GALNS: variants seen among roughly 807,000 people sequenced by gnomAD.
GALNS encodes the protein N-acetylgalactosamine-6-sulfatase.
In GALNS, 65 loss-of-function variants were observed where a neutral mutation model predicts 65.9. That is an observed-to-expected ratio of 0.99 (90% CI 0.81 to 1.21). The LOEUF is 1.21. Among genes scored for constraint, GALNS ranks in the 50% most tolerant of loss-of-function variants. The pLI is 0.00. For missense variants in GALNS, 776 were observed against 700.7 expected, an observed-to-expected ratio of 1.11 and a Z score of -1.21; for synonymous variants, 346 against 288.9, an observed-to-expected ratio of 1.20 and a Z score of -2.00.
At chr16:88,815,797 G>T (rs1909560027) in intron 13 of GALNS, 1 of 985,326 alleles carries the variant, frequency 1.0e-6, no homozygotes. Context: ...GGGTTTGGGT[G>T]AGGAAGCTGC....
intron 8 of GALNS, among the ~76,000 whole-genome samples, chr16:88,833,454 C>CCCTT (rs1555521205): frequency 2.8e-5 from 4 of 141,172 alleles, no homozygotes; most frequent in African/African-American, 1.1e-4. Flanking sequence ...CTCCCATCCC[C>CCCTT]TTTTTTTTTT....
chr16:88,826,648 C>G, intron 10 of GALNS, 54 bp downstream of exon 10: 1 of 1,593,074 alleles, frequency 6.3e-7, no homozygotes, highest in Non-Finnish European at 8.6e-7. Flanking sequence ...ATTAGCAGCT[C>G]TGGGCTTCAC....
chr16:88,833,096 A>G (rs1252966979), intron 8 of GALNS, among the ~76,000 whole-genome samples: 14 of 151,828 alleles, frequency 9.2e-5, no homozygotes, highest in South Asian at 8.3e-4. Flanking sequence ...AAAAAAAAAA[A>G]AAAAGAAAAT....
In GALNS at chr16:88,813,893, G is replaced by A. The variant is rs114447455; in HGVS notation, c.*546C>T. The A allele has an allele frequency of 3.7e-3, 646 of 174,342 alleles. 3 individuals carry two copies. Among genetic ancestry groups the A allele is most frequent in the African/African-American group, 0.015 (624 of 42,212 alleles). The allele number at this position is 174,342 out of a possible 1,614,324, so 10.8% of individuals were successfully genotyped here. A position where few individuals can be genotyped will look rare whatever the true frequency, so the allele number is the denominator to read the frequency against. The stretch of plus-strand genomic sequence containing the variant: ...GAAGTCATCCCTCTGGGGCTCCCCT[G>A]AGACAAACGCTTATATGATTGCCCC... On this transcript the variant is annotated 3_prime_UTR_variant, in exon 14 of 14. Coordinates refer to ENST00000268695, the MANE Select transcript of GALNS (RefSeq NM_000512.5).
intron 9 of GALNS, among the ~76,000 whole-genome samples, chr16:88,827,541 G>A (rs1046858032): frequency 1.3e-5 from 2 of 152,204 alleles, no homozygotes; most frequent in Admixed American, 1.3e-4. Context: ...CTGCCTTCCA[G>A]GTTCAAGTGA....
At chr16:88,847,324 T>G (rs74035860) in intron 1 of GALNS, among the ~76,000 whole-genome samples, 11,308 of 152,068 alleles carry the variant, frequency 0.074, 849 homozygotes, top group African/African-American at 0.2. Context: ...TGAGCTGAGA[T>G]CGCGCCACGG....
intron 13 of GALNS, chr16:88,815,588 A>G (rs1909537905): frequency 1.0e-6 from 1 of 985,362 alleles, no homozygotes; most frequent in African/African-American, 1.7e-5. Context: ...CTTGGCTGAA[A>G]TGAGTGCAGT....
chr16:88,815,032 C>T (rs1909481815), intron 13 of GALNS: 1 of 985,074 alleles, frequency 1.0e-6, no homozygotes, highest in African/African-American at 1.7e-5. Flanking sequence ...CGCGCTTGGC[C>T]TCGAGCAGTT....
intron 13 of GALNS, chr16:88,815,301 G>C (rs1201926003): frequency 2.0e-6 from 2 of 985,484 alleles, no homozygotes; most frequent in Admixed American, 6.1e-5. Flanking sequence ...TGTTAGAAAG[G>C]GCAGGCGGTC....
intron 9 of GALNS, among the ~76,000 whole-genome samples, chr16:88,827,518 C>T (rs1567522500): frequency 6.6e-6 from 1 of 152,204 alleles, no homozygotes; most frequent in Non-Finnish European, 1.5e-5. Flanking sequence ...GCGATCTCAG[C>T]TCACCACAAC....
At chr16:88,839,470 G>C (rs1256768266) in intron 4 of GALNS, among the ~76,000 whole-genome samples, 2 of 152,256 alleles carry the variant, frequency 1.3e-5, no homozygotes, top group Non-Finnish European at 2.9e-5. Context: ...CCTGGAGCAG[G>C]GAGTGTCCGC....
rs765635813 is a variant in GALNS, at chr16:88,841,889, C to T, written c.319+8G>A. The T allele has an allele frequency of 1.2e-6, 2 of 1,611,394 alleles. No homozygotes were observed. The highest frequency in any genetic ancestry group is 1.3e-5 in the African/African-American group (1 of 75,032). On this transcript the variant is annotated splice_region_variant and intron_variant, in intron 3 of 13. Transcript: ENST00000268695. ...CAAGGGTGTCCCTGGAGGCGGTGGG[C>T]AGCCTACCGTTTCTGGCATGGGCGT...
At chr16:88,825,219 C>T (rs1910718586) in intron 10 of GALNS, among the ~76,000 whole-genome samples, 1 of 92,512 alleles carries the variant, frequency 1.1e-5, no homozygotes, top group Non-Finnish European at 2.0e-5. Flanking sequence ...GTCTGGGGCG[C>T]CTGGGTGTCT....
In GALNS at chr16:88,828,172, C is replaced by T. The variant is rs953877556; in HGVS notation, c.1003-1334G>A. On this transcript the variant is annotated intron_variant, in intron 9 of 13. Coordinates refer to ENST00000268695, the MANE Select transcript of GALNS (RefSeq NM_000512.5). ...CAGCAGTGTCTGTGCGACTGCTTCC[C>T]GTCCTTCCCGTGTCCTTTAAAGGAC... Among the ~76,000 whole-genome samples the T allele has an allele frequency of 5.9e-5, 9 of 152,132 alleles. No individual in the cohort carries two copies. In the East Asian group the frequency reaches 7.7e-4, roughly 13 times the overall value.
At chr16:88,832,949 C>T (rs1244488792) in intron 8 of GALNS, among the ~76,000 whole-genome samples, 4 of 151,772 alleles carry the variant, frequency 2.6e-5, no homozygotes, top group Admixed American at 6.6e-5. Flanking sequence ...TGTGGCGGCA[C>T]GTCCTGTAGT....
At chr16:88,846,278 G>A (rs1967238532) in intron 1 of GALNS, among the ~76,000 whole-genome samples, 1 of 152,116 alleles carries the variant, frequency 6.6e-6, no homozygotes, top group African/African-American at 2.4e-5. Context: ...ACTAACATGG[G>A]GGTGGACCCT....
At position 88,856,853 on chromosome 16, in the gene GALNS, T is replaced by C; in HGVS notation, c.25A>G (p.Arg9Gly). 6.6e-7 allele frequency: 1 copy of C among 1,509,856 alleles called. No homozygotes were observed. Among genetic ancestry groups the C allele is most frequent in the African/African-American group, 1.5e-5 (1 of 68,584 alleles). The allele number at this position is 1,509,856 out of a possible 1,614,324, so 93.5% of individuals were successfully genotyped here. A position where few individuals can be genotyped will look rare whatever the true frequency, so the allele number is the denominator to read the frequency against. Residue 9 changes from arginine to glycine, a missense_variant, in exon 1 of 14, where the codon AGG becomes GGG. Arg to Gly is a moderately radical substitution (Grantham distance 125). Coordinates refer to ENST00000268695, the MANE Select transcript of GALNS (RefSeq NM_000512.5). The part of the protein sequence containing the change: MAAVVAAT[R>G]WWQLLLVLSA... ...AGCACCAGCAACAGCTGCCACCACCTCGTCGCCGCGACAACCGCCGCCATG... is the reference window on the plus strand; with the variant it reads ...AGCACCAGCAACAGCTGCCACCACCCCGTCGCCGCGACAACCGCCGCCATG...
chr16:88,845,795 C>T (rs1286196737), intron 1 of GALNS, among the ~76,000 whole-genome samples: 1 of 150,656 alleles, frequency 6.6e-6, no homozygotes, highest in African/African-American at 2.4e-5. Context: ...AGTTCGAGAC[C>T]AGCCTGGACA....
chr16:88,845,782 A>T (rs893513754), intron 1 of GALNS, among the ~76,000 whole-genome samples: 2 of 151,314 alleles, frequency 1.3e-5, no homozygotes, highest in African/African-American at 4.9e-5. Flanking sequence ...ACTTAAAGCC[A>T]GGAGTTCGAG....
Sources: gnomAD v4.1 joint callset for allele counts (sites outside exome capture counted in the v4.1 genomes callset) on GRCh38, gnomAD v4.1.1 for gene constraint, MANE v1.5 for transcripts, NCBI Gene and HGNC (gene_info 2026-07-23, HGNC 2026-07-21) for gene names.